The following TMED7 variants were observed in gnomAD, a reference collection of about 807,000 sequenced individuals.
The protein encoded by TMED7 is transmembrane emp24 domain-containing protein 7.
TMED7 carries 8 observed loss-of-function variants against 23.4 expected under a neutral mutation model. That is an observed-to-expected ratio of 0.34 (90% CI 0.20 to 0.62). The LOEUF (loss-of-function observed/expected upper bound fraction) is 0.62. Ranked by LOEUF, TMED7 falls within the 20% of genes least tolerant of loss-of-function variation. The pLI, the probability that TMED7 is intolerant of heterozygous loss-of-function variation, is 0.77. For synonymous variants in TMED7, 121 were observed against 108.5 expected (o/e 1.12, Z -0.72); for missense variants, 232 against 279.1 (o/e 0.83, Z 1.20).
At chr5:115,624,123 C>T (rs182602014) in intron 1 of TMED7, among the ~76,000 whole-genome samples, 38 of 152,242 alleles carry the variant, frequency 2.5e-4, no homozygotes, top group Admixed American at 9.8e-4. Flanking sequence ...ATCCTTAGCA[C>T]TAATCACTGA....
rs1412242260 is a variant in TMED7 at position 115,625,882 on chromosome 5, G to A, written c.-90C>T. ...CCGCGCGCGGCAGGCCTCAGCGCAG[G>A]CCACCCCGCAAAGATACACAGCAGA... On this transcript the variant is annotated 5_prime_UTR_variant, in exon 1 of 3. Coordinates refer to ENST00000456936, the MANE Select transcript of TMED7 (RefSeq NM_181836.6). 4 of 1,317,496 alleles carry A rather than the reference G, an allele frequency of 3.0e-6. No individual in the cohort carries two copies. Among genetic ancestry groups the A allele is most frequent in the African/African-American group, 1.6e-5 (1 of 64,388 alleles). The allele number at this position is 1,317,496 out of a possible 1,614,324, so 81.6% of individuals were successfully genotyped here.
Position 115,625,902 on chromosome 5 carries a change from A to G in TMED7, c.-110T>C. ...CGCAGGCCACCCCGCAAAGATACAC[A>G]GCAGAGCAGGTTCACGCCTGTGGGA... is the stretch of plus-strand genomic sequence containing the variant. On this transcript the variant is annotated 5_prime_UTR_variant, in exon 1 of 3. Coordinates refer to ENST00000456936, the MANE Select transcript of TMED7 (RefSeq NM_181836.6). The G allele has an allele frequency of 2.5e-5, 32 of 1,289,412 alleles. No individual in the cohort carries two copies. The highest frequency in any genetic ancestry group is 3.0e-5 in the Non-Finnish European group (31 of 1,018,214). The allele number at this position is 1,289,412 out of a possible 1,614,324, so 79.9% of individuals were successfully genotyped here.
At chr5:115,623,983 T>A (rs1757119978) in intron 1 of TMED7, among the ~76,000 whole-genome samples, 1 of 152,188 alleles carries the variant, frequency 6.6e-6, no homozygotes, top group Non-Finnish European at 1.5e-5. Flanking sequence ...TATCTAAACC[T>A]CAGTTTCATC....
chr5:115,620,343 T>C, intron 2 of TMED7, 92 bp downstream of exon 2: 2 of 1,336,624 alleles, frequency 1.5e-6, no homozygotes, highest in Non-Finnish European at 1.9e-6. Flanking sequence ...AGTCTCAAAA[T>C]TCCATGCTCA....
chr5:115,620,381 C>T (rs1756984524), intron 2 of TMED7, 54 bp downstream of exon 2: 1 of 1,436,748 alleles, frequency 7.0e-7, no homozygotes, highest in South Asian at 1.7e-5. Flanking sequence ...TTAAATTATG[C>T]TTTTTTCCTC....
Position 115,615,898 on chromosome 5 carries a change from A to G in TMED7, c.*311T>C. 3.2e-6 allele frequency: 1 copy of G among 308,816 alleles called. No homozygotes were observed. Among genetic ancestry groups the G allele is most frequent in the Non-Finnish European group, 6.1e-6 (1 of 164,884 alleles). The allele number at this position is 308,816 out of a possible 1,614,324, so 19.1% of individuals were successfully genotyped here. A position where few individuals can be genotyped will look rare whatever the true frequency, so the allele number is the denominator to read the frequency against. ...CTACCTATAAGAAAAGTAGTCTTAA[A>G]TGGTTAAAAGGAATCAAAATACCAA... On this transcript the variant is annotated 3_prime_UTR_variant, in exon 3 of 3. Transcript: ENST00000456936.
At position 115,625,676 on chromosome 5, in the gene TMED7, G is replaced by C; in HGVS notation, c.117C>G (p.Phe39Leu). The C allele has an allele frequency of 6.2e-7, 1 of 1,603,660 alleles. No homozygotes were observed. The highest frequency in any genetic ancestry group is 8.5e-7 in the Non-Finnish European group (1 of 1,175,788). Residue 39 changes from phenylalanine (F) to leucine (L), a missense_variant, in exon 1 of 3, where the codon TTC becomes TTG. Phe to Leu is a conservative substitution (Grantham distance 22). Around this residue, in one of 2 missense-constraint regions of TMED7, gnomAD observed 106 missense variants for 97.0 expected, o/e 1.09. Coordinates refer to ENST00000456936, the MANE Select transcript of TMED7 (RefSeq NM_181836.6). The stretch of plus-strand genomic sequence containing the variant: ...ACTGCTTGGCGTTGTCAGGAAGCTC[G>C]AAGGTGATCTCAGAGGCGCCGCCGG... ...PGPGGASEIT[F>L]ELPDNAKQCF...
In TMED7 at chr5:115,625,943, C is replaced by G. The variant is rs557156758; in HGVS notation, c.-151G>C. On this transcript the variant is annotated 5_prime_UTR_variant, in exon 1 of 3. Transcript: ENST00000456936. ...GCCTGTGGGAGATTCGGGATCAGAG[C>G]GACCCTCCGGCTTCCTGTGAGGGGC... 391 of 1,130,304 alleles carry G rather than the reference C, an allele frequency of 3.5e-4. No individual in the cohort carries two copies. Among genetic ancestry groups the G allele is most frequent in the Non-Finnish European group, 3.8e-4 (334 of 885,278 alleles). 70.0% of individuals were successfully genotyped at this position (1,130,304 alleles called of 1,614,324 possible).
chr5:115,625,742 C>G lies in TMED7; in HGVS notation c.51G>C (p.Trp17Cys), dbSNP rs775673404. 33 of 1,562,146 alleles carry G rather than the reference C, an allele frequency of 2.1e-5. No homozygotes were observed. The highest frequency in any genetic ancestry group is 1.3e-4 in the Admixed American group (7 of 52,746). ...AQRWAAVAGR[W>C]GCRLLALLLL... The stretch of plus-strand genomic sequence containing the variant: ...GCAGCAGTGCGAGCAGCCTGCACCC[C>G]CAACGGCCCGCGACGGCCGCCCAGC... The change falls in exon 1 of 3, where the codon TGG becomes TGC. Residue 17 changes from tryptophan (W) to cysteine (C), a missense_variant. Transcript: ENST00000456936.
rs1756578086 is a variant in TMED7 at position 115,613,958 on chromosome 5, G to A, written c.*2251C>T. The A allele has an allele frequency of 6.6e-6, 1 of 152,446 alleles. No individual in the cohort carries two copies. The highest frequency in any genetic ancestry group is 2.4e-5 in the African/African-American group (1 of 41,394). 9.4% of individuals were successfully genotyped at this position (152,446 alleles called of 1,614,324 possible). ...CTACTTTAAAAATATATACAACTAT[G>A]ATGTTCAAATATGTATTCTGAGCCA... On this transcript the variant is annotated 3_prime_UTR_variant, in exon 3 of 3. Transcript: ENST00000456936.
At chr5:115,622,384 A>T (rs1757061944) in intron 1 of TMED7, among the ~76,000 whole-genome samples, 1 of 152,172 alleles carries the variant, frequency 6.6e-6, no homozygotes, top group South Asian at 2.1e-4. Context: ...TGCCCCTCTC[A>T]AATTCATCGC....
At chr5:115,621,178 A>G (rs1174554349) in intron 1 of TMED7, among the ~76,000 whole-genome samples, 1 of 152,188 alleles carries the variant, frequency 6.6e-6, no homozygotes, top group Non-Finnish European at 1.5e-5. Context: ...GTGAAGTAAC[A>G]AGGTAGGCCA....
chr5:115,616,850 C>T (rs1329244000), intron 2 of TMED7, among the ~76,000 whole-genome samples: 2 of 152,008 alleles, frequency 1.3e-5, no homozygotes, highest in East Asian at 1.9e-4. Context: ...AAGTCAAAGC[C>T]CAAATATCTA....
In TMED7 at chr5:115,625,967, G is replaced by C; in HGVS notation, c.-175C>G. The C allele has an allele frequency of 1.2e-6, 1 of 848,794 alleles. No homozygotes were observed. Among genetic ancestry groups the C allele is most frequent in the Non-Finnish European group, 1.6e-6 (1 of 630,024 alleles). 52.6% of individuals were successfully genotyped at this position (848,794 alleles called of 1,614,324 possible). On this transcript the variant is annotated 5_prime_UTR_variant, in exon 1 of 3. Transcript: ENST00000456936. The stretch of plus-strand genomic sequence containing the variant: ...GCGACCCTCCGGCTTCCTGTGAGGG[G>C]CGCAGACGGGCGGACCTGGGGAGGT...
At chr5:115,619,793 C>A (rs1328167148) in intron 2 of TMED7, among the ~76,000 whole-genome samples, 1 of 152,068 alleles carries the variant, frequency 6.6e-6, no homozygotes, top group Non-Finnish European at 1.5e-5. Context: ...TTGGATTTTG[C>A]TGTATTTGAA....
intron 1 of TMED7, among the ~76,000 whole-genome samples, chr5:115,623,120 A>G (rs757996015): frequency 6.6e-6 from 1 of 152,238 alleles, no homozygotes; most frequent in Non-Finnish European, 1.5e-5. Flanking sequence ...AAAGGAAAAG[A>G]ATATAAAACA....
chr5:115,618,982 A>G (rs1756909906), intron 2 of TMED7, among the ~76,000 whole-genome samples: 1 of 152,358 alleles, frequency 6.6e-6, no homozygotes, highest in Non-Finnish European at 1.5e-5. Flanking sequence ...ATTTTAAAGT[A>G]TGAAAAGTTG....
intron 1 of TMED7, among the ~76,000 whole-genome samples, 170 bp downstream of exon 1, chr5:115,625,431 A>C (rs973517901): frequency 4.6e-5 from 7 of 152,196 alleles, no homozygotes; most frequent in Non-Finnish European, 8.8e-5. Flanking sequence ...AACATCTCTC[A>C]CCCAAGGTTT....
intron 1 of TMED7, among the ~76,000 whole-genome samples, chr5:115,621,741 G>A (rs1177687077): frequency 2.0e-5 from 3 of 152,190 alleles, no homozygotes; most frequent in South Asian, 4.1e-4. Context: ...AAGAAAGAGG[G>A]AGTGCAGAGA....
Sources: allele counts gnomAD v4.1 joint callset (sites outside exome capture counted in the v4.1 genomes callset), GRCh38; gene constraint gnomAD v4.1.1; regional missense constraint gnomAD v4.1.1; transcripts MANE v1.5; gene names NCBI Gene and HGNC (gene_info 2026-07-23, HGNC 2026-07-21).